Variants in CCDC66 observed in about 807,000 individuals in gnomAD.
CCDC66 encodes coiled-coil domain-containing protein 66.
CCDC66 carries 133 observed loss-of-function variants against 128.3 expected under a neutral mutation model. The observed-to-expected ratio is 1.04, with a 90% CI of 0.90 to 1.20. CCDC66 has a LOEUF of 1.20. Among genes scored for constraint, CCDC66 ranks in the 50% most tolerant of loss-of-function variants. The pLI, the probability that CCDC66 is intolerant of heterozygous loss-of-function variation, is 0.00. For missense variants in CCDC66, 1,126 were observed against 1,075.5 expected (o/e 1.05, Z -0.66); for synonymous variants, 387 against 357.0 (o/e 1.08, Z -0.95).
chr3:56,603,008 G>A (rs1034414976), intron 10 of CCDC66, among the ~76,000 whole-genome samples: 5 of 151,380 alleles, frequency 3.3e-5, no homozygotes, highest in African/African-American at 1.2e-4. Flanking sequence ...CTAATTTTTT[G>A]TATTTTTTAG....
intron 7 of CCDC66, among the ~76,000 whole-genome samples, chr3:56,580,796 C>T (rs1365242633): frequency 1.3e-5 from 2 of 151,910 alleles, no homozygotes; most frequent in Non-Finnish European, 2.9e-5. Context: ...GTCCGATGGG[C>T]TTCCCTTTGT....
chr3:56,609,028 A>G (rs996556850), intron 10 of CCDC66, among the ~76,000 whole-genome samples: 1 of 152,154 alleles, frequency 6.6e-6, no homozygotes, highest in African/African-American at 2.4e-5. Flanking sequence ...GGCCTGTCAT[A>G]TAGTCTATTT....
chr3:56,562,198 C>T (rs2065196010), intron 3 of CCDC66, among the ~76,000 whole-genome samples: 1 of 151,658 alleles, frequency 6.6e-6, no homozygotes, highest in African/African-American at 2.4e-5. Context: ...GTGCCCACAC[C>T]ACCAGGCTCA....
At chr3:56,588,596 A>G (rs2070269830) in intron 7 of CCDC66, among the ~76,000 whole-genome samples, 1 of 152,212 alleles carries the variant, frequency 6.6e-6, no homozygotes, top group Non-Finnish European at 1.5e-5. Context: ...GGGTGATGTT[A>G]AACTATGAGA....
chr3:56,604,677 T>A (rs1185427224), intron 10 of CCDC66, among the ~76,000 whole-genome samples: 2 of 152,022 alleles, frequency 1.3e-5, no homozygotes, highest in Non-Finnish European at 2.9e-5. Flanking sequence ...CTTCCCTTTG[T>A]GGGTAACCCG....
At chr3:56,618,679 A>C (rs1320727081) in intron 15 of CCDC66, 1 of 163,392 alleles carries the variant, frequency 6.1e-6, no homozygotes, top group Non-Finnish European at 1.3e-5. Flanking sequence ...TTTCATTCAA[A>C]TGGTGAGTAC....
At chr3:56,579,317 G>T (rs2067924479) in intron 7 of CCDC66, among the ~76,000 whole-genome samples, 1 of 151,526 alleles carries the variant, frequency 6.6e-6, no homozygotes, top group Admixed American at 6.6e-5. Context: ...TATTAGTCTT[G>T]CTAGTGGTCT....
chr3:56,570,562 C>G (rs2066488324), intron 6 of CCDC66: 1 of 159,916 alleles, frequency 6.3e-6, no homozygotes, highest in African/African-American at 2.4e-5. Context: ...CCATCCTAGC[C>G]AACATGGTGA....
intron 10 of CCDC66, among the ~76,000 whole-genome samples, chr3:56,600,649 C>T (rs1014108633): frequency 1.2e-4 from 18 of 151,942 alleles, no homozygotes; most frequent in African/African-American, 4.4e-4. Context: ...TCTGTTGTTT[C>T]CTGACTTTTT....
intron 8 of CCDC66, 120 bp from the exon 9 acceptor site, chr3:56,593,371 A>T: frequency 8.8e-7 from 1 of 1,134,680 alleles, no homozygotes; most frequent in Non-Finnish European, 1.2e-6. Context: ...AGTCTTGTTA[A>T]TTTTTATGAT....
At chr3:56,608,655 GT>G (rs1255169513) in intron 10 of CCDC66, among the ~76,000 whole-genome samples, 2 of 151,910 alleles carry the variant, frequency 1.3e-5, no homozygotes, top group African/African-American at 4.8e-5. Context: ...GCTAGGTTTG[GT>G]TTGTTCTTGT....
intron 3 of CCDC66, chr3:56,561,458 G>A (rs752827068): frequency 3.0e-6 from 1 of 328,654 alleles, no homozygotes; most frequent in South Asian, 2.7e-5. Flanking sequence ...GCTATCTAAA[G>A]GTGTTTTAGA....
chr3:56,582,795 CAT>C (rs2068631064), intron 7 of CCDC66, among the ~76,000 whole-genome samples: 1 of 149,954 alleles, frequency 6.7e-6, no homozygotes, highest in Non-Finnish European at 1.5e-5. Flanking sequence ...GTCATATATG[CAT>C]AATCATAATT....
intron 10 of CCDC66, among the ~76,000 whole-genome samples, chr3:56,595,675 C>A (rs2071748404): frequency 6.6e-6 from 1 of 152,178 alleles, no homozygotes; most frequent in African/African-American, 2.4e-5. Context: ...GTAAATAGTG[C>A]TACAGTTAGC....
chr3:56,589,088 C>T (rs1233627872), intron 7 of CCDC66, among the ~76,000 whole-genome samples: 2 of 151,980 alleles, frequency 1.3e-5, no homozygotes, highest in Admixed American at 6.6e-5. Context: ...TTGATAAGCC[C>T]CTCATAAAAT....
intron 6 of CCDC66, among the ~76,000 whole-genome samples, chr3:56,567,986 G>A (rs940059286): frequency 6.6e-6 from 1 of 152,104 alleles, no homozygotes; most frequent in African/African-American, 2.4e-5. Context: ...CACCACGCCC[G>A]GCCAAAAGTG....
intron 12 of CCDC66, 108 bp from the exon 13 acceptor site, chr3:56,615,814 C>T: frequency 1.2e-6 from 1 of 866,972 alleles, no homozygotes. Flanking sequence ...ATTTTTATTG[C>T]AGTGTTCATT....
intron 12 of CCDC66, 163 bp from the exon 13 acceptor site, chr3:56,615,759 C>T: frequency 2.1e-6 from 1 of 473,514 alleles, no homozygotes; most frequent in Non-Finnish European, 3.6e-6. Context: ...AATGATCTCC[C>T]TAAATTCAGT....
rs763080846 is a variant in CCDC66 at position 56,616,097 on chromosome 3, G to A, written c.1843+44G>A. On this transcript the variant is annotated intron_variant, in intron 13 of 17. Transcript: ENST00000394672. ...TGGTTTGGTTTAAAATTTACTTAAAGTCATAATTAAAGCAGTTAGAATTAA... is the reference window on the plus strand; with the variant it reads ...TGGTTTGGTTTAAAATTTACTTAAAATCATAATTAAAGCAGTTAGAATTAA... The A allele has an allele frequency of 2.6e-6, 4 of 1,518,220 alleles. No individual in the cohort carries two copies. The South Asian group carries it at 3.7e-5, about 14-fold the overall frequency. 94.0% of individuals were successfully genotyped at this position (1,518,220 alleles called of 1,614,324 possible).
Sources: allele counts gnomAD v4.1 joint callset (sites outside exome capture counted in the v4.1 genomes callset), GRCh38; gene constraint gnomAD v4.1.1; transcripts MANE v1.5; gene names NCBI Gene and HGNC (gene_info 2026-07-23, HGNC 2026-07-21).